Variants in VAV3 observed in about 807,000 individuals in gnomAD.
VAV3 encodes guanine nucleotide exchange factor VAV3.
Under a neutral mutation model 131.2 loss-of-function variants are expected in VAV3, and 94 were observed. The ratio of observed to expected loss-of-function variants is 0.72; its 90% CI spans 0.61 to 0.85. The LOEUF is 0.85. Ranked by LOEUF, VAV3 falls within the 40% of genes least tolerant of loss-of-function variation. VAV3 has a pLI of 0.00. For synonymous variants in VAV3, 349 were observed against 342.0 expected (o/e 1.02, Z -0.22); for missense variants, 939 against 1,002.7 (o/e 0.94, Z 0.86).
chr1:107,686,034 T>TGGGGGGGGGGGGGGGGGGGGG (rs554715740), intron 18 of VAV3: 18 of 85,136 alleles, frequency 2.1e-4, no homozygotes, highest in South Asian at 5.8e-4. Flanking sequence ...GTTGGGGGGG[T>TGGGGGGGGGGGGGGGGGGGGG]GGGGGGGGAG....
At chr1:107,648,464 A>G (rs1401966171) in intron 19 of VAV3, among the ~76,000 whole-genome samples, 1 of 152,082 alleles carries the variant, frequency 6.6e-6, no homozygotes, top group Non-Finnish European at 1.5e-5. Context: ...TTATACATGT[A>G]CATTTTATTG....
chr1:107,899,931 C>T (rs1671776097), intron 1 of VAV3, among the ~76,000 whole-genome samples: 1 of 152,104 alleles, frequency 6.6e-6, no homozygotes, highest in South Asian at 2.1e-4. Flanking sequence ...TGAAACCTGA[C>T]CCCTTCAAGA....
At chr1:107,619,010 G>A (rs1653374313) in intron 20 of VAV3, among the ~76,000 whole-genome samples, 2 of 152,146 alleles carry the variant, frequency 1.3e-5, no homozygotes, top group African/African-American at 4.8e-5. Context: ...TGATCCCATG[G>A]TAAGGAAAGG....
At chr1:107,659,944 C>G (rs1656882566) in intron 19 of VAV3, among the ~76,000 whole-genome samples, 1 of 152,192 alleles carries the variant, frequency 6.6e-6, no homozygotes, top group South Asian at 2.1e-4. Flanking sequence ...CTACCAAATT[C>G]TTAATGGCAA....
rs192607077 is a variant in VAV3 at position 107,904,295 on chromosome 1, C to T, written c.205-29278G>A. ...AGCTGTCACTCTAGATAAATGTATA[C>T]GTATGATGTGACTGAATGATGTCCA... On this transcript the variant is annotated intron_variant, in intron 1 of 26. Coordinates refer to ENST00000370056, the MANE Select transcript of VAV3 (RefSeq NM_006113.5). 5.3e-5 allele frequency among the ~76,000 whole-genome samples: 8 copies of T among 152,224 alleles called. No homozygotes were observed. The East Asian group carries it at 9.7e-4, about 18-fold the overall frequency.
Position 107,937,088 on chromosome 1 carries a change from C to A in VAV3, c.204+27578G>T, listed in dbSNP as rs367666086. The stretch of plus-strand genomic sequence containing the variant: ...GACAGTCTAAACATAACACCCTCCA[C>A]CGCCACCCCAAAAAAACAGCTCCAT... On this transcript the variant is annotated intron_variant, in intron 1 of 26. Coordinates refer to ENST00000370056, the MANE Select transcript of VAV3 (RefSeq NM_006113.5). 6.6e-5 allele frequency among the ~76,000 whole-genome samples: 10 copies of A among 152,254 alleles called. No individual in the cohort carries two copies. The East Asian group carries it at 1.9e-3, about 29-fold the overall frequency.
chr1:107,763,343 T>C (rs1042557970), intron 9 of VAV3, among the ~76,000 whole-genome samples: 1 of 152,144 alleles, frequency 6.6e-6, no homozygotes, highest in African/African-American at 2.4e-5. Context: ...GTATGGTCAT[T>C]GGGCAAAACT....
chr1:107,685,035 A>G (rs1402783184), intron 18 of VAV3, among the ~76,000 whole-genome samples: 2 of 152,146 alleles, frequency 1.3e-5, no homozygotes, highest in African/African-American at 4.8e-5. Flanking sequence ...TACTGATTTT[A>G]TACCTGCTAC....
chr1:107,617,524 A>G, intron 21 of VAV3, 43 bp downstream of exon 21: 1 of 1,571,524 alleles, frequency 6.4e-7, no homozygotes, highest in Non-Finnish European at 8.7e-7. Context: ...CACAGGATCA[A>G]AAACAAAATG....
chr1:107,670,217 G>C (rs1657685111), intron 19 of VAV3, among the ~76,000 whole-genome samples: 1 of 152,108 alleles, frequency 6.6e-6, no homozygotes, highest in Admixed American at 6.5e-5. Context: ...TTCCATCACT[G>C]CTGGCTCTTT....
rs79384861 is a variant in VAV3 at position 107,696,613 on chromosome 1, A to G, written c.1705+7937T>C. ...AGACTATGTTAAACATTATTGCTAT[A>G]AAGCTCTGTAAAGTATGGGTGAATT... is the stretch of plus-strand genomic sequence containing the variant. On this transcript the variant is annotated intron_variant, in intron 17 of 26. Transcript: ENST00000370056. Among the ~76,000 whole-genome samples the G allele has an allele frequency of 9.7e-4, 147 of 152,288 alleles. 2 individuals are homozygous for G. In the East Asian group the frequency reaches 0.02, roughly 21 times the overall value.
At chr1:107,790,679 CTTTTTTTTTTTTTTTTT>C (rs145926469) in intron 2 of VAV3, among the ~76,000 whole-genome samples, 1 of 69,818 alleles carries the variant, frequency 1.4e-5, no homozygotes, top group Non-Finnish European at 2.6e-5. Context: ...AAATGTCTTC[CTTTTTTTTTTTTTTTTT>C]TTTTTTTTTG....
intron 21 of VAV3, among the ~76,000 whole-genome samples, chr1:107,614,246 T>G (rs1416271346): frequency 6.6e-6 from 1 of 152,042 alleles, no homozygotes; most frequent in Admixed American, 6.6e-5. Flanking sequence ...ACCGCCTGTG[T>G]TTTCCTCAGT....
intron 15 of VAV3, among the ~76,000 whole-genome samples, chr1:107,718,232 A>C (rs1414162338): frequency 6.6e-6 from 1 of 152,302 alleles, no homozygotes; most frequent in Admixed American, 6.5e-5. Flanking sequence ...GAAAGAAATA[A>C]AGGGTATTCA....
At chr1:107,596,159 G>A (rs1651364573) in intron 25 of VAV3, 53 bp downstream of exon 25, 1 of 1,591,914 alleles carries the variant, frequency 6.3e-7, no homozygotes, top group Admixed American at 1.8e-5. Flanking sequence ...TAATGTTATT[G>A]TGCCCCTAAT....
chr1:107,768,364 AG>A, intron 7 of VAV3, 76 bp downstream of exon 7: 1 of 1,073,828 alleles, frequency 9.3e-7, no homozygotes, highest in Non-Finnish European at 1.4e-6. Flanking sequence ...GTATTAAAAT[AG>A]GGATCTGGAA....
At chr1:107,888,016 T>C (rs1431424646) in intron 1 of VAV3, among the ~76,000 whole-genome samples, 2 of 151,032 alleles carry the variant, frequency 1.3e-5, no homozygotes, top group African/African-American at 4.9e-5. Flanking sequence ...GGGGGGGGGT[T>C]ATTTTGTAAA....
At chr1:107,661,628 A>T (rs1043365205) in intron 19 of VAV3, among the ~76,000 whole-genome samples, 1 of 152,238 alleles carries the variant, frequency 6.6e-6, no homozygotes, top group African/African-American at 2.4e-5. Context: ...TCTCAATAAA[A>T]GTTTGTTAAA....
At chr1:107,811,701 T>C (rs2102332337) in intron 2 of VAV3, among the ~76,000 whole-genome samples, 1 of 152,234 alleles carries the variant, frequency 6.6e-6, no homozygotes, top group Non-Finnish European at 1.5e-5. Flanking sequence ...AGTAAACATA[T>C]TAAAAACAGT....
Sources: allele counts gnomAD v4.1 joint callset (sites outside exome capture counted in the v4.1 genomes callset), GRCh38; gene constraint gnomAD v4.1.1; transcripts MANE v1.5; gene names NCBI Gene and HGNC (gene_info 2026-07-23, HGNC 2026-07-21).